The following SAMD4A variants were observed in gnomAD, a reference collection of about 807,000 sequenced individuals.
SAMD4A encodes sterile alpha motif domain containing 4A.
Under a neutral mutation model 81.3 loss-of-function variants are expected in SAMD4A, and 33 were observed. The ratio of observed to expected loss-of-function variants is 0.41; its 90% CI spans 0.31 to 0.54. The LOEUF (loss-of-function observed/expected upper bound fraction) is 0.54. Among genes scored for constraint, SAMD4A ranks in the 20% least tolerant of loss-of-function variants. The probability of loss-of-function intolerance (pLI) is 0.37; values close to 1 mark genes in which losing one functional copy is unlikely to be tolerated. For missense variants in SAMD4A, 854 were observed against 951.1 expected (o/e 0.90, Z 1.34); for synonymous variants, 389 against 382.1 (o/e 1.02, Z -0.21).
At chr14:54,730,337 G>A (rs2037530889) in intron 3 of SAMD4A, among the ~76,000 whole-genome samples, 1 of 152,334 alleles carries the variant, frequency 6.6e-6, no homozygotes, top group Admixed American at 6.5e-5. Context: ...GATGTTCTTT[G>A]CAGCTTTTTC....
At chr14:54,585,157 A>G (rs868609605) in intron 2 of SAMD4A, among the ~76,000 whole-genome samples, 11 of 152,192 alleles carry the variant, frequency 7.2e-5, no homozygotes, top group Middle Eastern at 6.3e-3. Flanking sequence ...TTAAACTTAA[A>G]CTGTCATTAA....
At chr14:54,600,887 GCAC>G (rs1167863811) in intron 2 of SAMD4A, among the ~76,000 whole-genome samples, 2 of 152,180 alleles carry the variant, frequency 1.3e-5, no homozygotes, top group Non-Finnish European at 2.9e-5. Context: ...TATCGTATTA[GCAC>G]CAGCAAACAG....
intron 2 of SAMD4A, among the ~76,000 whole-genome samples, chr14:54,629,696 T>C (rs2034847609): frequency 6.6e-6 from 1 of 152,216 alleles, no homozygotes; most frequent in Non-Finnish European, 1.5e-5. Context: ...ATACAGTTTA[T>C]CAACTTGGCC....
intron 2 of SAMD4A, among the ~76,000 whole-genome samples, chr14:54,623,518 G>GAAA (rs1365222705): frequency 3.2e-5 from 4 of 126,966 alleles, no homozygotes; most frequent in Non-Finnish European, 7.2e-5. Flanking sequence ...AAAAAAGCAG[G>GAAA]GGGAGGAAAG....
intron 2 of SAMD4A, among the ~76,000 whole-genome samples, chr14:54,700,608 C>T (rs892922240): frequency 3.3e-5 from 5 of 152,186 alleles, no homozygotes; most frequent in African/African-American, 9.7e-5. Flanking sequence ...ACCAGCAGGA[C>T]TGTCCAGCCC....
intron 2 of SAMD4A, among the ~76,000 whole-genome samples, chr14:54,607,602 C>T (rs1256004043): frequency 6.6e-6 from 1 of 151,652 alleles, no homozygotes. Context: ...ACTACAGGCG[C>T]CCGCCACCAT....
intron 2 of SAMD4A, among the ~76,000 whole-genome samples, chr14:54,665,315 A>T (rs560910281): frequency 6.6e-6 from 1 of 152,352 alleles, no homozygotes; most frequent in South Asian, 2.1e-4. Context: ...AAAGATAAGT[A>T]TGCCGGAACA....
chr14:54,622,940 T>C (rs916457585), intron 2 of SAMD4A, among the ~76,000 whole-genome samples: 2 of 152,190 alleles, frequency 1.3e-5, no homozygotes, highest in Admixed American at 1.3e-4. Flanking sequence ...TTTACAGCCA[T>C]CTTAGGCCGA....
chr14:54,775,203 A>G (rs900552461), intron 10 of SAMD4A, 68 bp downstream of exon 10: 1 of 1,581,114 alleles, frequency 6.3e-7, no homozygotes, highest in Non-Finnish European at 8.7e-7. Flanking sequence ...ATGTCCCCCC[A>G]GGTGACCCCA....
chr14:54,670,477 C>T (rs1022499484), intron 2 of SAMD4A, among the ~76,000 whole-genome samples: 4 of 152,302 alleles, frequency 2.6e-5, no homozygotes, highest in East Asian at 3.9e-4. Context: ...CGGAGCCAGA[C>T]GAAGCCTGGG....
chr14:54,681,759 G>GT (rs1302026292), intron 2 of SAMD4A: 2 of 984,060 alleles, frequency 2.0e-6, no homozygotes, highest in Non-Finnish European at 2.4e-6. Flanking sequence ...ATTTTAATTA[G>GT]TTTTTTGATG....
At chr14:54,722,333 A>T (rs1216279248) in intron 3 of SAMD4A, among the ~76,000 whole-genome samples, 1 of 152,066 alleles carries the variant, frequency 6.6e-6, no homozygotes, top group African/African-American at 2.4e-5. Flanking sequence ...TTCTGGAACA[A>T]CCCCACTGGC....
chr14:54,653,306 AT>A (rs1566567745), intron 2 of SAMD4A, among the ~76,000 whole-genome samples: 1 of 32,514 alleles, frequency 3.1e-5, no homozygotes, highest in Non-Finnish European at 6.1e-5. Context: ...TCTTAATATT[AT>A]TATTATTATT....
In SAMD4A at chr14:54,597,198, T is replaced by G. The variant is rs1420718071; in HGVS notation, c.196+29086T>G. Among the ~76,000 whole-genome samples, 3 of 152,088 alleles carry G rather than the reference T, an allele frequency of 2.0e-5. No individual in the cohort carries two copies. In the East Asian group the frequency reaches 5.8e-4, roughly 29 times the overall value. On this transcript the variant is annotated intron_variant, in intron 2 of 12. Transcript: ENST00000554335. ...TGCTTAGCGTGTAGGAGCTGTCCTG[T>G]TAGGTAGGCATGCTTCAGTTTGCCT...
At chr14:54,748,698 T>C (rs1199479745) in intron 4 of SAMD4A, 117 bp from the exon 5 acceptor site, 1 of 682,608 alleles carries the variant, frequency 1.5e-6, no homozygotes, top group African/African-American at 1.8e-5. Flanking sequence ...TGTTACTTTT[T>C]CTTTTTTTTT....
At chr14:54,685,583 G>T (rs143157389) in intron 2 of SAMD4A, 8 of 424,266 alleles carry the variant, frequency 1.9e-5, no homozygotes, top group Non-Finnish European at 3.3e-5. Flanking sequence ...GTACTTGTTC[G>T]TAGATTTTTT....
At chr14:54,609,910 A>C (rs1249694573) in intron 2 of SAMD4A, among the ~76,000 whole-genome samples, 1 of 152,114 alleles carries the variant, frequency 6.6e-6, no homozygotes, top group South Asian at 2.1e-4. Flanking sequence ...TTTCACAATG[A>C]GGCATTGATT....
intron 2 of SAMD4A, among the ~76,000 whole-genome samples, chr14:54,602,101 G>T (rs1238286512): frequency 6.6e-6 from 1 of 152,180 alleles, no homozygotes; most frequent in Non-Finnish European, 1.5e-5. Flanking sequence ...TAGACCCAGA[G>T]ACAGGCTTCT....
intron 2 of SAMD4A, among the ~76,000 whole-genome samples, chr14:54,699,846 T>A (rs1211095900): frequency 6.6e-6 from 1 of 152,118 alleles, no homozygotes; most frequent in Non-Finnish European, 1.5e-5. Context: ...TGATTCTGAG[T>A]CTTTCATTAT....
Sources: allele counts gnomAD v4.1 joint callset (sites outside exome capture counted in the v4.1 genomes callset), GRCh38; gene constraint gnomAD v4.1.1; transcripts MANE v1.5; gene names NCBI Gene and HGNC (gene_info 2026-07-23, HGNC 2026-07-21).